The following ATP2C2 variants were observed in gnomAD, a reference collection of about 807,000 sequenced individuals.
ATP2C2 encodes the protein calcium-transporting ATPase type 2C member 2.
Under a neutral mutation model 110.8 loss-of-function variants are expected in ATP2C2, and 171 were observed. That is an observed-to-expected ratio of 1.54 (90% CI 1.36 to 1.75). ATP2C2 has a LOEUF of 1.75. Ranked by LOEUF, ATP2C2 falls within the 40% of genes most tolerant of loss-of-function variation. ATP2C2 has a pLI of 0.00. For synonymous variants in ATP2C2, 804 were observed against 508.4 expected, an observed-to-expected ratio of 1.58 and a Z score of -7.82; for missense variants, 1,963 against 1,235.0, an observed-to-expected ratio of 1.59 and a Z score of -8.84.
At chr16:84,405,306 A>G in intron 3 of ATP2C2, 62 bp downstream of exon 3, 2 of 1,413,332 alleles carry the variant, frequency 1.4e-6, no homozygotes, top group Non-Finnish European at 9.8e-7. Flanking sequence ...TGGGGCAGCC[A>G]TTCCATCTTT....
intron 18 of ATP2C2, among the ~76,000 whole-genome samples, chr16:84,452,424 G>C (rs1464043008): frequency 6.6e-6 from 1 of 151,746 alleles, no homozygotes; most frequent in East Asian, 1.9e-4. Flanking sequence ...GTGTACCCTT[G>C]GCAAACCATT....
intron 4 of ATP2C2, among the ~76,000 whole-genome samples, chr16:84,410,195 A>C (rs890564296): frequency 6.6e-6 from 1 of 152,180 alleles, no homozygotes; most frequent in Non-Finnish European, 1.5e-5. Flanking sequence ...GTGGCAGAGC[A>C]AGATTCCATT....
At chr16:84,455,553 A>G (rs1910717278) in intron 21 of ATP2C2, among the ~76,000 whole-genome samples, 1 of 107,654 alleles carries the variant, frequency 9.3e-6, no homozygotes, top group African/African-American at 3.5e-5. Flanking sequence ...TTTTTTCTTA[A>G]TACATTTACC....
chr16:84,400,462 G>C (rs1286362196), intron 2 of ATP2C2, among the ~76,000 whole-genome samples: 1 of 152,060 alleles, frequency 6.6e-6, no homozygotes, highest in African/African-American at 2.4e-5. Flanking sequence ...GAGTAGCTGG[G>C]ACTACAGGCG....
At chr16:84,385,331 T>C (rs1276467400) in intron 1 of ATP2C2, among the ~76,000 whole-genome samples, 1 of 152,196 alleles carries the variant, frequency 6.6e-6, no homozygotes, top group Non-Finnish European at 1.5e-5. Flanking sequence ...AAGGGGATAG[T>C]GCTCAACTAT....
chr16:84,441,675 C>G (rs1237660075), intron 14 of ATP2C2, among the ~76,000 whole-genome samples: 1 of 152,238 alleles, frequency 6.6e-6, no homozygotes, highest in Non-Finnish European at 1.5e-5. Context: ...AATCCCAGCA[C>G]TTTGGGAGGC....
chr16:84,425,414 G>A (rs1228570214), intron 10 of ATP2C2, among the ~76,000 whole-genome samples: 2 of 152,186 alleles, frequency 1.3e-5, no homozygotes, highest in African/African-American at 2.4e-5. Flanking sequence ...CACCACATGG[G>A]GGGATGTTCT....
At chr16:84,432,832 T>A (rs539023127) in intron 11 of ATP2C2, among the ~76,000 whole-genome samples, 1 of 152,146 alleles carries the variant, frequency 6.6e-6, no homozygotes, top group South Asian at 2.1e-4. Context: ...AGACTCATAT[T>A]TCTAACAAGC....
rs750654957 is a variant in ATP2C2, at chr16:84,439,277, C to A, written c.1098C>A (p.Ile366=). The change falls in exon 12 of 27, where the codon ATC becomes ATA. Residue 366 remains isoleucine (I), a synonymous_variant. Transcript: ENST00000262429. ...KKRVIVKKLP[I]VETLGCCSVL... is the part of the protein sequence containing the mutation. ...GGGTCATCGTGAAGAAGTTACCCAT[C>A]GTGGAGACTTTAGGTGAGGGACTCC... is the stretch of plus-strand genomic sequence containing the variant. The A allele has an allele frequency of 7.4e-6, 12 of 1,612,852 alleles. No individual in the cohort carries two copies. In the South Asian group the frequency reaches 1.2e-4, roughly 16 times the overall value.
intron 1 of ATP2C2, among the ~76,000 whole-genome samples, chr16:84,388,184 G>A (rs1904428730): frequency 6.6e-6 from 1 of 152,120 alleles, no homozygotes; most frequent in Admixed American, 6.6e-5. Context: ...AATTAGCTGG[G>A]CATGGTGGCA....
intron 11 of ATP2C2, among the ~76,000 whole-genome samples, chr16:84,435,258 T>C (rs1037263198): frequency 2.6e-5 from 4 of 152,264 alleles, no homozygotes; most frequent in African/African-American, 9.6e-5. Context: ...GAAAACATGG[T>C]GTTACTGATT....
chr16:84,402,532 CG>C (rs1597769811), intron 2 of ATP2C2, among the ~76,000 whole-genome samples: 2 of 152,064 alleles, frequency 1.3e-5, no homozygotes, highest in Admixed American at 6.6e-5. Context: ...AATTCTGTCA[CG>C]TTTTTTCAGC....
intron 6 of ATP2C2, among the ~76,000 whole-genome samples, chr16:84,411,352 C>T (rs1906269628): frequency 6.6e-6 from 1 of 152,208 alleles, no homozygotes; most frequent in East Asian, 1.9e-4. Flanking sequence ...CCACATGGCC[C>T]TTTCTGCTTA....
chr16:84,390,368 G>C (rs1904578732), intron 1 of ATP2C2, among the ~76,000 whole-genome samples: 1 of 152,206 alleles, frequency 6.6e-6, no homozygotes, highest in Non-Finnish European at 1.5e-5. Context: ...GTCCCCTCGG[G>C]AGCCTCTGGT....
chr16:84,420,182 A>T (rs1907202889), intron 7 of ATP2C2, among the ~76,000 whole-genome samples: 1 of 151,710 alleles, frequency 6.6e-6, no homozygotes, highest in Admixed American at 6.6e-5. Context: ...TGCTCTGTAC[A>T]CCCTGGTGTT....
chr16:84,388,296 G>C (rs1339180961), intron 1 of ATP2C2, among the ~76,000 whole-genome samples: 1 of 151,948 alleles, frequency 6.6e-6, no homozygotes, highest in Non-Finnish European at 1.5e-5. Context: ...CTGCACTGCA[G>C]CCTGGGTGAA....
intron 1 of ATP2C2, among the ~76,000 whole-genome samples, chr16:84,383,788 T>C (rs1275455724): frequency 6.6e-4 from 7 of 10,546 alleles, no homozygotes; most frequent in Non-Finnish European, 3.1e-3. Flanking sequence ...GTTTTGTTGG[T>C]TTTTTTTTTT....
rs780957206 is a variant in ATP2C2, at chr16:84,463,669, C to T, written c.2778C>T (p.Leu926=). The stretch of plus-strand genomic sequence containing the variant: ...CCGTCTTCATTTTGTCAGAGCTCCT[C>T]AAACTATGTGAAAAATACTGTTGCA... ...ASSVFILSEL[L]KLCEKYCCSP... The change falls in exon 27 of 27, where the codon CTC becomes CTT. Residue 926 remains leucine, a synonymous_variant. Transcript: ENST00000262429. 3 of 1,614,208 alleles carry T rather than the reference C, an allele frequency of 1.9e-6. No individual in the cohort carries two copies. Among genetic ancestry groups the T allele is most frequent in the Non-Finnish European group, 2.5e-6 (3 of 1,180,044 alleles).
rs563554576 is a variant in ATP2C2, at chr16:84,461,660, G to T, written c.2482-54G>T. ...AGGCAGGCCTGTGCCCTTTGGTTCA[G>T]GATGGAGGTTGTCTCTTCCCGCCTA... On this transcript the variant is annotated intron_variant, in intron 24 of 26. Transcript: ENST00000262429. 8 of 1,526,766 alleles carry T rather than the reference G, an allele frequency of 5.2e-6. No individual in the cohort carries two copies. In the East Asian group the frequency reaches 1.8e-4, roughly 34 times the overall value. The allele number at this position is 1,526,766 out of a possible 1,614,324, so 94.6% of individuals were successfully genotyped here. A position where few individuals can be genotyped will look rare whatever the true frequency, so the allele number is the denominator to read the frequency against.
Sources: allele counts gnomAD v4.1 joint callset (sites outside exome capture counted in the v4.1 genomes callset), GRCh38; gene constraint gnomAD v4.1.1; transcripts MANE v1.5; gene names NCBI Gene and HGNC (gene_info 2026-07-23, HGNC 2026-07-21).